VAV2: variants seen among roughly 807,000 people sequenced by gnomAD.
VAV2 encodes vav guanine nucleotide exchange factor 2, also known as guanine nucleotide exchange factor VAV2.
A neutral mutation model predicts 132.5 loss-of-function variants in VAV2; 67 were observed. That is an observed-to-expected ratio of 0.51 (90% CI 0.42 to 0.62). VAV2 has a LOEUF of 0.62. Among genes scored for constraint, VAV2 ranks in the 20% least tolerant of loss-of-function variants. The pLI is 0.00. For missense variants in VAV2, 938 were observed against 1,153.6 expected, an observed-to-expected ratio of 0.81 and a Z score of 2.71; for synonymous variants, 492 against 443.5, an observed-to-expected ratio of 1.11 and a Z score of -1.37.
intron 2 of VAV2, among the ~76,000 whole-genome samples, chr9:133,886,202 T>C (rs1318062222): frequency 6.6e-6 from 1 of 151,824 alleles, no homozygotes; most frequent in Non-Finnish European, 1.5e-5. Flanking sequence ...TTCCTGCAGG[T>C]GGGAAAGCTC....
At position 133,896,138 on chromosome 9, in the gene VAV2, C is replaced by T. The variant is rs375879429; in HGVS notation, c.322-34706G>A. Among the ~76,000 whole-genome samples, 44 of 83,074 alleles carry T rather than the reference C, an allele frequency of 5.3e-4. 6 individuals are homozygous for T. Among genetic ancestry groups the T allele is most frequent in the East Asian group, 4.0e-3 (14 of 3,482 alleles). The allele number at this position is 83,074 out of a possible 152,430, so 54.5% of individuals were successfully genotyped here. ...ATTAGGGAGTGGTGATGACTCTTAA[C>T]GAGCATAACACTAAAATCTTTATTA... On this transcript the variant is annotated intron_variant, in intron 2 of 29. Coordinates refer to ENST00000371850, the MANE Select transcript of VAV2 (RefSeq NM_001134398.2).
chr9:133,782,228 C>CT (rs930742395), intron 19 of VAV2, among the ~76,000 whole-genome samples: 7 of 151,752 alleles, frequency 4.6e-5, no homozygotes, highest in African/African-American at 1.2e-4. Flanking sequence ...AATTTCATTT[C>CT]TTTTTTTTTC....
rs893622026 is a variant in VAV2, at chr9:133,919,654, G to C, written c.321+19449C>G. 1.3e-5 allele frequency among the ~76,000 whole-genome samples: 2 copies of C among 152,200 alleles called. No homozygotes were observed. The highest frequency in any genetic ancestry group is 4.8e-5 in the African/African-American group (2 of 41,446). ...AGATGCTCAGCCACTTTTGCCACCA[G>C]CTCAAATATTTCAGTCTCAGATCAG... is the stretch of plus-strand genomic sequence containing the variant. On this transcript the variant is annotated intron_variant, in intron 2 of 29. Coordinates refer to ENST00000371850, the MANE Select transcript of VAV2 (RefSeq NM_001134398.2). This position sits in a 1 kb window ranked among gnomAD's most constrained non-coding sequence, Gnocchi z 5.8.
rs1834195515 is a variant in VAV2 at position 133,785,856 on chromosome 9, A to C, written c.1452T>G (p.Leu484=). ...AAAACTGGAAGCCCTGCTTTCCTTG[A>C]AGGTGAATTAGGTAGAAGCCGTAGG... is the stretch of plus-strand genomic sequence containing the variant. ...MWSYGFYLIH[L]QGKQGFQFFC... is the part of the protein sequence containing the mutation. Residue 484 remains leucine, a synonymous_variant, in exon 17 of 30, where the codon CTT becomes CTG. Transcript: ENST00000371850. 1.2e-6 allele frequency: 2 copies of C among 1,613,950 alleles called. No individual in the cohort carries two copies. Among genetic ancestry groups the C allele is most frequent in the Non-Finnish European group, 1.7e-6 (2 of 1,179,956 alleles).
intron 3 of VAV2, among the ~76,000 whole-genome samples, chr9:133,851,664 G>GTGGGTGGATGGA (rs1837172732): frequency 6.6e-6 from 1 of 151,036 alleles, no homozygotes; most frequent in Non-Finnish European, 1.5e-5. Flanking sequence ...GGACAGAAGG[G>GTGGGTGGATGGA]TGGATGGATG....
At position 133,954,524 on chromosome 9, in the gene VAV2, G is replaced by A. The variant is rs182880451; in HGVS notation, c.205-15305C>T. Among the ~76,000 whole-genome samples, 28 of 152,396 alleles carry A rather than the reference G, an allele frequency of 1.8e-4. No homozygotes were observed. In the East Asian group the frequency reaches 4.2e-3, roughly 23 times the overall value. ...GAGTGAAATCCACGCACGCCTGAAG[G>A]CTTCCGGAGAAGGCATCGCAGGTCC... is the stretch of plus-strand genomic sequence containing the variant. On this transcript the variant is annotated intron_variant, in intron 1 of 29. Coordinates refer to ENST00000371850, the MANE Select transcript of VAV2 (RefSeq NM_001134398.2).
chr9:133,797,834 C>T, intron 9 of VAV2, 25 bp from the exon 10 acceptor site: 7 of 1,608,070 alleles, frequency 4.4e-6, no homozygotes, highest in Non-Finnish European at 5.9e-6. Flanking sequence ...CACACGCACA[C>T]ACGCACACAG....
At chr9:133,916,169 G>A (rs912196490) in intron 2 of VAV2, among the ~76,000 whole-genome samples, 2 of 152,250 alleles carry the variant, frequency 1.3e-5, no homozygotes, top group Non-Finnish European at 2.9e-5. Flanking sequence ...GAGGGAAGGA[G>A]GGGCTTTGCT....
intron 1 of VAV2, among the ~76,000 whole-genome samples, chr9:133,942,506 G>A (rs1007901931): frequency 8.5e-5 from 13 of 152,282 alleles, no homozygotes; most frequent in East Asian, 1.9e-4. Flanking sequence ...CAGGGGCTAC[G>A]CCCTCTCGCT....
At chr9:133,907,014 C>T (rs896688041) in intron 2 of VAV2, among the ~76,000 whole-genome samples, 1 of 152,258 alleles carries the variant, frequency 6.6e-6, no homozygotes, top group Admixed American at 6.5e-5. Flanking sequence ...TGCTCGGCCC[C>T]CTCAGGCCTG....
At chr9:133,842,895 G>C in intron 3 of VAV2, among the ~76,000 whole-genome samples, 1 of 152,250 alleles carries the variant, frequency 6.6e-6, no homozygotes, top group South Asian at 2.1e-4. Flanking sequence ...GGCACCATCA[G>C]GAAGCGCAGC....
At chr9:133,888,265 G>A (rs1307525687) in intron 2 of VAV2, among the ~76,000 whole-genome samples, 1 of 152,242 alleles carries the variant, frequency 6.6e-6, no homozygotes, top group Non-Finnish European at 1.5e-5. Flanking sequence ...GAAGCAGTTC[G>A]GGAGACGGAC....
In VAV2 at chr9:133,964,029, A is replaced by ACG. The variant is rs1254780625; in HGVS notation, c.205-24811_205-24810insCG. On this transcript the variant is annotated intron_variant, in intron 1 of 29. Transcript: ENST00000371850. ...TAAAAAAAATTATTCATTCATATAT[A>ACG]TATATATATATATATATATACATAT... Among the ~76,000 whole-genome samples the ACG allele has an allele frequency of 2.3e-3, 207 of 90,580 alleles. 6 individuals are homozygous for ACG. Among genetic ancestry groups the ACG allele is most frequent in the Non-Finnish European group, 3.4e-3 (135 of 39,914 alleles). The allele number at this position is 90,580 out of a possible 152,430, so 59.4% of individuals were successfully genotyped here.
At chr9:133,820,782 G>A (rs560255752) in intron 4 of VAV2, among the ~76,000 whole-genome samples, 1 of 152,318 alleles carries the variant, frequency 6.6e-6, no homozygotes, top group East Asian at 1.9e-4. Flanking sequence ...TGGGCTGGAG[G>A]AGGGGTATAC....
intron 2 of VAV2, among the ~76,000 whole-genome samples, chr9:133,900,763 CTTGATTTATTTA>C (rs1839406388): frequency 7.3e-6 from 1 of 136,600 alleles, no homozygotes; most frequent in Non-Finnish European, 1.6e-5. Context: ...TACCTCCTGT[CTTGATTTATTTA>C]TTTATTTATT....
intron 2 of VAV2, among the ~76,000 whole-genome samples, chr9:133,875,261 T>C (rs1838216181): frequency 6.6e-6 from 1 of 152,174 alleles, no homozygotes. Flanking sequence ...GAACCCTCCG[T>C]GCCAAGGCCA....
At chr9:133,934,219 G>A (rs1207914555) in intron 2 of VAV2, among the ~76,000 whole-genome samples, 3 of 152,018 alleles carry the variant, frequency 2.0e-5, no homozygotes, top group Non-Finnish European at 4.4e-5. Context: ...GAGACTTGGG[G>A]AGCCGGGAGG....
chr9:133,954,788 A>G (rs2132195186), intron 1 of VAV2, among the ~76,000 whole-genome samples: 1 of 151,854 alleles, frequency 6.6e-6, no homozygotes, highest in Admixed American at 6.5e-5. Context: ...GTATGTGTGC[A>G]TGCTCATGAT....
rs1348653899 is a variant in VAV2, at chr9:133,919,897, T to C, written c.321+19206A>G. 2.0e-5 allele frequency among the ~76,000 whole-genome samples: 3 copies of C among 152,092 alleles called. No homozygotes were observed. Among genetic ancestry groups the C allele is most frequent in the African/African-American group, 2.4e-5 (1 of 41,414 alleles). The stretch of plus-strand genomic sequence containing the variant: ...CCGCGGAGCCCAGAGTCAGTTCTGC[T>C]GGACATACAGCGGCGGACCCAAGGC... On this transcript the variant is annotated intron_variant, in intron 2 of 29. Transcript: ENST00000371850. The surrounding 1 kb of genome is among the most constrained non-coding windows in gnomAD (Gnocchi z 5.8).
Sources: gnomAD v4.1 joint callset for allele counts (sites outside exome capture counted in the v4.1 genomes callset) on GRCh38, gnomAD v4.1.1 for gene constraint, Gnocchi (gnomAD v3.1) non-coding constraint, MANE v1.5 for transcripts, NCBI Gene and HGNC (gene_info 2026-07-23, HGNC 2026-07-21) for gene names.